ANGPT2: variants seen among roughly 807,000 people sequenced by gnomAD.
The protein encoded by ANGPT2 is angiopoietin 2, also known as angiopoietin-2.
ANGPT2 carries 28 observed loss-of-function variants against 62.9 expected under a neutral mutation model. The ratio of observed to expected loss-of-function variants is 0.44; its 90% CI spans 0.33 to 0.61. ANGPT2 has a LOEUF of 0.61. ANGPT2 is among the 20% of genes least tolerant of loss of function. The pLI is 0.03. For synonymous variants in ANGPT2, 284 were observed against 207.8 expected (o/e 1.37, Z -3.15); for missense variants, 727 against 594.9 (o/e 1.22, Z -2.31).
chr8:6,562,717 T>A lies in ANGPT2; in HGVS notation c.218A>T (p.Tyr73Phe), dbSNP rs1825747147. ...TTGCAGCCTCTGCACCGAGTCATCG[T>A]ATTCGAGCGGCGCGTCCCTCTGCAC... ...NAVQRDAPLE[Y>F]DDSVQRLQVL... The change falls in exon 1 of 9, where the codon TAC (tyrosine) becomes TTC (phenylalanine). Residue 73 changes from tyrosine (Y) to phenylalanine (F), a missense_variant. Transcript: ENST00000629816. 6.2e-7 allele frequency: 1 copy of A among 1,613,574 alleles called. No individual in the cohort carries two copies. Among genetic ancestry groups the A allele is most frequent in the Admixed American group, 1.7e-5 (1 of 60,000 alleles).
chr8:6,505,144 A>T (rs1375922588), intron 8 of ANGPT2, among the ~76,000 whole-genome samples: 1 of 138,146 alleles, frequency 7.2e-6, no homozygotes, highest in Non-Finnish European at 1.5e-5. Context: ...CCCGTAATGC[A>T]TTATTTCTTA....
At chr8:6,561,708 T>A (rs1825567547) in intron 1 of ANGPT2, among the ~76,000 whole-genome samples, 1 of 152,260 alleles carries the variant, frequency 6.6e-6, no homozygotes, top group South Asian at 2.1e-4. Context: ...TCCTTTAGAA[T>A]ATATATAGTC....
At chr8:6,562,552 C>CTTTTTTTGTTTTTTTTTTT (rs1825704138) in intron 1 of ANGPT2, 95 bp downstream of exon 1, 1 of 71,748 alleles carries the variant, frequency 1.4e-5, no homozygotes, top group Non-Finnish European at 2.6e-5. Flanking sequence ...CATCCTCCTT[C>CTTTTTTTGTTTTTTTTTTT]TTTTTTTTTT....
intron 7 of ANGPT2, among the ~76,000 whole-genome samples, chr8:6,511,560 A>T (rs1815099801): frequency 6.6e-6 from 1 of 152,180 alleles, no homozygotes; most frequent in African/African-American, 2.4e-5. Context: ...GGGAAAAAAA[A>T]ATCCCTTACA....
Position 6,503,153 on chromosome 8 carries a change from G to A in ANGPT2, c.1436C>T (p.Ser479Leu). The change falls in exon 9 of 9, where the codon TCA becomes TTA. Residue 479 changes from serine to leucine, a missense_variant. Coordinates refer to ENST00000629816, the MANE Select transcript of ANGPT2 (RefSeq NM_001118887.2). ...NGIKWYYWKG[S>L]GYSLKATTMM... The stretch of plus-strand genomic sequence containing the variant: ...GGTTGTGGCCTTGAGCGAATAGCCT[G>A]AGCCTTTCCAGTAGTACCATTTAAT... The A allele has an allele frequency of 6.2e-7, 1 of 1,614,206 alleles. No homozygotes were observed. The highest frequency in any genetic ancestry group is 1.1e-5 in the South Asian group (1 of 91,084).
intron 1 of ANGPT2, among the ~76,000 whole-genome samples, chr8:6,535,262 T>C (rs1317754282): frequency 6.6e-6 from 1 of 152,238 alleles, no homozygotes; most frequent in East Asian, 1.9e-4. Context: ...GAGTCAGATG[T>C]GTTTGCAACT....
At chr8:6,561,974 C>T (rs1337984522) in intron 1 of ANGPT2, among the ~76,000 whole-genome samples, 1 of 152,150 alleles carries the variant, frequency 6.6e-6, no homozygotes, top group African/African-American at 2.4e-5. Flanking sequence ...CATTCCGCAC[C>T]GGTTGCTGGA....
chr8:6,531,096 C>T (rs1819418399), intron 2 of ANGPT2, among the ~76,000 whole-genome samples: 2 of 152,136 alleles, frequency 1.3e-5, no homozygotes, highest in Admixed American at 6.5e-5. Context: ...GCGGGCTTGG[C>T]CGCCGAGAGT....
chr8:6,533,603 A>C (rs1353877702), intron 1 of ANGPT2, among the ~76,000 whole-genome samples: 10 of 141,482 alleles, frequency 7.1e-5, no homozygotes, highest in Non-Finnish European at 1.2e-4. Flanking sequence ...AAATAATCTA[A>C]TGATGGGAAC....
chr8:6,522,639 G>A (rs532893805), intron 3 of ANGPT2, among the ~76,000 whole-genome samples: 1 of 151,078 alleles, frequency 6.6e-6, no homozygotes, highest in Non-Finnish European at 1.5e-5. Flanking sequence ...CCAAGCGTGG[G>A]GGTACATGAA....
intron 1 of ANGPT2, among the ~76,000 whole-genome samples, chr8:6,544,801 C>G (rs1822255501): frequency 6.6e-6 from 1 of 152,170 alleles, no homozygotes; most frequent in Non-Finnish European, 1.5e-5. Flanking sequence ...TGACTTGAAT[C>G]TATAACATCT....
At chr8:6,523,201 G>A (rs1025561827) in intron 3 of ANGPT2, among the ~76,000 whole-genome samples, 1 of 152,116 alleles carries the variant, frequency 6.6e-6, no homozygotes, top group Non-Finnish European at 1.5e-5. Context: ...CTTTTACCGT[G>A]TTAGCCAGGG....
At chr8:6,535,632 T>C (rs1009953784) in intron 1 of ANGPT2, among the ~76,000 whole-genome samples, 14 of 152,254 alleles carry the variant, frequency 9.2e-5, no homozygotes, top group African/African-American at 3.4e-4. Flanking sequence ...TTGAAGCATG[T>C]ATCATTTAAA....
intron 1 of ANGPT2, among the ~76,000 whole-genome samples, chr8:6,552,947 G>C (rs374491900): frequency 6.6e-6 from 1 of 152,196 alleles, no homozygotes; most frequent in Non-Finnish European, 1.5e-5. Flanking sequence ...GTTTGCCAGG[G>C]GTTAAGGGGA....
At position 6,521,192 on chromosome 8, in the gene ANGPT2, A is replaced by G. The variant is rs778968356; in HGVS notation, c.785T>C (p.Met262Thr). The G allele has an allele frequency of 7.7e-5, 125 of 1,613,244 alleles. No homozygotes were observed. The highest frequency in any genetic ancestry group is 1.0e-4 in the Non-Finnish European group (123 of 1,179,508). Reference protein sequence around the residue: ...METVNNLLTMMSTSNSKDPTV... With the variant: ...METVNNLLTMTSTSNSKDPTV... ...TGTAAACTTACAGTTTGATGTGGAC[A>G]TCATAGTCAGTAAGTTATTAACTGT... The change falls in exon 4 of 9, where the codon ATG (methionine) becomes ACG (threonine). Residue 262 changes from methionine to threonine, a missense_variant. Met to Thr is a moderately conservative substitution (Grantham distance 81, BLOSUM62 -1). Transcript: ENST00000629816.
At chr8:6,506,977 A>C (rs1272508489) in intron 8 of ANGPT2, among the ~76,000 whole-genome samples, 1 of 151,626 alleles carries the variant, frequency 6.6e-6, no homozygotes, top group Non-Finnish European at 1.5e-5. Context: ...GGCTCATTGC[A>C]AACTCTGTCT....
At chr8:6,514,852 T>C (rs562982208) in intron 5 of ANGPT2, 74 bp from the exon 6 acceptor site, 11 of 1,310,836 alleles carry the variant, frequency 8.4e-6, no homozygotes, top group African/African-American at 4.4e-5. Flanking sequence ...GCAGGAGGAA[T>C]GTAGACCCTG....
At chr8:6,554,089 C>T (rs926937032) in intron 1 of ANGPT2, among the ~76,000 whole-genome samples, 5 of 149,650 alleles carry the variant, frequency 3.3e-5, no homozygotes, top group African/African-American at 1.2e-4. Flanking sequence ...ATACTGAGTA[C>T]TTCAGACAGG....
intron 1 of ANGPT2, among the ~76,000 whole-genome samples, chr8:6,562,264 C>G (rs1266813565): frequency 6.6e-6 from 1 of 152,172 alleles, no homozygotes; most frequent in Admixed American, 6.5e-5. Context: ...CCTTCCCTCA[C>G]TTGCCTGCAA....
Sources: allele counts gnomAD v4.1 joint callset (sites outside exome capture counted in the v4.1 genomes callset), GRCh38; gene constraint gnomAD v4.1.1; transcripts MANE v1.5; gene names NCBI Gene and HGNC (gene_info 2026-07-23, HGNC 2026-07-21).